The following ADGRB3 variants were observed in gnomAD, a reference collection of about 807,000 sequenced individuals.
The protein encoded by ADGRB3 is brain-specific angiogenesis inhibitor 3.
In ADGRB3, 37 loss-of-function variants were observed where a neutral mutation model predicts 193.4. That is an observed-to-expected ratio of 0.19 (90% confidence interval 0.15 to 0.25). The LOEUF (loss-of-function observed/expected upper bound fraction) is 0.25. Among genes scored for constraint, ADGRB3 ranks in the 10% least tolerant of loss-of-function variants. The pLI is 1.00. For missense variants in ADGRB3, 1,637 were observed against 1,852.9 expected (o/e 0.88, Z 2.14); for synonymous variants, 690 against 644.2 (o/e 1.07, Z -1.08).
intron 13 of ADGRB3, among the ~76,000 whole-genome samples, chr6:69,045,694 A>G (rs1469844353): frequency 6.6e-6 from 1 of 152,144 alleles, no homozygotes; most frequent in Non-Finnish European, 1.5e-5. Context: ...GACATATTTC[A>G]GGATCTTAGT....
intron 3 of ADGRB3, among the ~76,000 whole-genome samples, chr6:68,814,067 T>C (rs536853992): frequency 1.8e-3 from 276 of 152,342 alleles, no homozygotes; most frequent in African/African-American, 6.4e-3. Flanking sequence ...TTTGGGTATA[T>C]ACCCAGTAAT....
chr6:69,137,696 C>T (rs577154462), intron 17 of ADGRB3, among the ~76,000 whole-genome samples: 2 of 152,032 alleles, frequency 1.3e-5, no homozygotes, highest in Non-Finnish European at 2.9e-5. Context: ...ACTCGAGAGG[C>T]TGAGGTAGGA....
chr6:68,917,361 T>C (rs144660629), intron 3 of ADGRB3, among the ~76,000 whole-genome samples: 21 of 152,336 alleles, frequency 1.4e-4, no homozygotes, highest in African/African-American at 4.8e-4. Flanking sequence ...CATTAGAAAG[T>C]TCTTCCTATG....
At chr6:69,206,511 CA>C (rs1765544770) in intron 17 of ADGRB3, among the ~76,000 whole-genome samples, 1 of 152,114 alleles carries the variant, frequency 6.6e-6, no homozygotes, top group South Asian at 2.1e-4. Flanking sequence ...TGAGATTATA[CA>C]TAACCTTCAG....
chr6:68,803,385 C>G (rs1305260091), intron 3 of ADGRB3, among the ~76,000 whole-genome samples: 1 of 152,062 alleles, frequency 6.6e-6, no homozygotes, highest in African/African-American at 2.4e-5. Context: ...CCAATCCTAC[C>G]ACTGTTACCT....
intron 17 of ADGRB3, among the ~76,000 whole-genome samples, chr6:69,208,286 G>A (rs1464458526): frequency 6.6e-6 from 1 of 152,128 alleles, no homozygotes; most frequent in Non-Finnish European, 1.5e-5. Flanking sequence ...ATTCATATAA[G>A]ATATTAATAT....
intron 17 of ADGRB3, among the ~76,000 whole-genome samples, chr6:69,193,184 A>C (rs779482): frequency 0.38 from 58,397 of 151,802 alleles, 12,280 homozygotes; most frequent in African/African-American, 0.56. Context: ...CTCTTACAGT[A>C]AATTTCCCTC....
At position 68,866,219 on chromosome 6, in the gene ADGRB3, T is replaced by C. The variant is rs1032715614; in HGVS notation, c.758-64340T>C. On this transcript the variant is annotated intron_variant, in intron 3 of 31. Coordinates refer to ENST00000370598, the MANE Select transcript of ADGRB3 (RefSeq NM_001704.3). ...GTCTAGGGAGGGACCTGGTAGGAGG[T>C]GACTGGATCATGGGGCCAGTTTCTC... is the stretch of plus-strand genomic sequence containing the variant. Among the ~76,000 whole-genome samples, 20 of 152,116 alleles carry C rather than the reference T, an allele frequency of 1.3e-4. No homozygotes were observed. In the East Asian group the frequency reaches 3.9e-3, roughly 29 times the overall value.
intron 3 of ADGRB3, among the ~76,000 whole-genome samples, chr6:68,641,045 C>T (rs531881324): frequency 2.5e-4 from 38 of 152,162 alleles, no homozygotes; most frequent in African/African-American, 8.7e-4. Context: ...ATTAGTGTCC[C>T]CTAGAATAAG....
intron 3 of ADGRB3, among the ~76,000 whole-genome samples, chr6:68,764,548 C>T (rs1412154835): frequency 3.3e-5 from 5 of 151,892 alleles, no homozygotes; most frequent in Non-Finnish European, 5.9e-5. Context: ...AAATAAAGAC[C>T]GGATTATCAA....
At chr6:69,136,079 T>C (rs565248858) in intron 17 of ADGRB3, among the ~76,000 whole-genome samples, 1 of 152,080 alleles carries the variant, frequency 6.6e-6, no homozygotes, top group Non-Finnish European at 1.5e-5. Context: ...ACCCCTAGTA[T>C]GAATATATGT....
At chr6:68,967,226 T>G (rs1324305167) in intron 8 of ADGRB3, among the ~76,000 whole-genome samples, 1 of 152,256 alleles carries the variant, frequency 6.6e-6, no homozygotes, top group Non-Finnish European at 1.5e-5. Flanking sequence ...AAAAAGTTGT[T>G]GACATCTCTA....
intron 20 of ADGRB3, among the ~76,000 whole-genome samples, chr6:69,283,933 T>C (rs370661140): frequency 5.9e-5 from 9 of 152,128 alleles, no homozygotes; most frequent in Non-Finnish European, 1.2e-4. Flanking sequence ...TACAGCAGCA[T>C]GAGAAGTTAC....
At position 68,943,984 on chromosome 6, in the gene ADGRB3, T is replaced by A. The variant is rs376951955; in HGVS notation, c.1185T>A (p.Ala395=). ...CACATCATAAGCCTTGTAATATTGC[T>A]CTTTGCCCAGGTGAGCCTATTCTGC... ...PETHHKPCNI[A]LCPVDGQWQE... Residue 395 remains alanine, a synonymous_variant, in exon 6 of 32, where the codon GCT becomes GCA. Coordinates refer to ENST00000370598, the MANE Select transcript of ADGRB3 (RefSeq NM_001704.3). The A allele has an allele frequency of 1.5e-5, 24 of 1,604,342 alleles. No individual in the cohort carries two copies. The highest frequency in any genetic ancestry group is 2.0e-5 in the Non-Finnish European group (24 of 1,173,228).
intron 8 of ADGRB3, among the ~76,000 whole-genome samples, chr6:68,964,771 C>CT (rs1235349034): frequency 2.6e-5 from 4 of 152,110 alleles, no homozygotes; most frequent in African/African-American, 9.7e-5. Flanking sequence ...ATAACACTGT[C>CT]CACCAGGTAC....
intron 11 of ADGRB3, among the ~76,000 whole-genome samples, chr6:69,002,572 A>G (rs965769837): frequency 5.9e-5 from 9 of 152,092 alleles, no homozygotes; most frequent in Middle Eastern, 3.4e-3. Flanking sequence ...ACCATGGATT[A>G]CTCCCATGCT....
chr6:68,931,059 T>C (rs1399276812), intron 4 of ADGRB3, among the ~76,000 whole-genome samples: 1 of 152,062 alleles, frequency 6.6e-6, no homozygotes, highest in Non-Finnish European at 1.5e-5. Flanking sequence ...ATATTGAATA[T>C]ATTGAATTTT....
intron 13 of ADGRB3, among the ~76,000 whole-genome samples, chr6:69,033,515 A>G (rs1301408078): frequency 6.6e-6 from 1 of 152,140 alleles, no homozygotes; most frequent in African/African-American, 2.4e-5. Flanking sequence ...AGTCAAAAAT[A>G]TTTTCATTCT....
chr6:69,155,408 C>T (rs1224409327), intron 17 of ADGRB3, among the ~76,000 whole-genome samples: 2 of 152,276 alleles, frequency 1.3e-5, no homozygotes, highest in Non-Finnish European at 2.9e-5. Flanking sequence ...GTTTTGTTTG[C>T]TTCCAAGAAA....
Sources: gnomAD v4.1 joint callset for allele counts (sites outside exome capture counted in the v4.1 genomes callset) on GRCh38, gnomAD v4.1.1 for gene constraint, MANE v1.5 for transcripts, NCBI Gene and HGNC (gene_info 2026-07-23, HGNC 2026-07-21) for gene names.